CDH6: variants seen among roughly 807,000 people sequenced by gnomAD.
The protein encoded by CDH6 is cadherin 6, also known as cadherin-6.
In CDH6, 31 loss-of-function variants were observed where a neutral mutation model predicts 78.0. The observed-to-expected ratio is 0.40, with a 90% confidence interval of 0.30 to 0.54. The LOEUF (loss-of-function observed/expected upper bound fraction) is 0.54, where lower values mean the gene tolerates loss of function less well. CDH6 is among the 20% of genes least tolerant of loss of function. The pLI, the probability that CDH6 is intolerant of heterozygous loss-of-function variation, is 0.56. For synonymous variants in CDH6, 376 were observed against 368.8 expected, an observed-to-expected ratio of 1.02 and a Z score of -0.23; for missense variants, 724 against 975.9, an observed-to-expected ratio of 0.74 and a Z score of 3.44.
At chr5:31,237,119 G>A (rs959114693) in intron 1 of CDH6, among the ~76,000 whole-genome samples, 5 of 152,158 alleles carry the variant, frequency 3.3e-5, no homozygotes, top group African/African-American at 1.2e-4. Context: ...TTTCAGAGAG[G>A]ACAGCTGAAC....
chr5:31,284,597 C>A (rs566150702), intron 2 of CDH6, among the ~76,000 whole-genome samples: 18 of 152,228 alleles, frequency 1.2e-4, no homozygotes, highest in African/African-American at 3.4e-4. Flanking sequence ...AGTAGAAGGA[C>A]AAAGAAATCC....
At chr5:31,226,096 C>A (rs1171664363) in intron 1 of CDH6, among the ~76,000 whole-genome samples, 2 of 152,100 alleles carry the variant, frequency 1.3e-5, no homozygotes, top group Non-Finnish European at 2.9e-5. Flanking sequence ...AACTAAGTAG[C>A]CCATTGGGTA....
intron 1 of CDH6, among the ~76,000 whole-genome samples, chr5:31,203,718 G>A (rs1740435730): frequency 6.6e-6 from 1 of 151,836 alleles, no homozygotes; most frequent in African/African-American, 2.4e-5. Flanking sequence ...ACGTGTGCAT[G>A]TGTCTTTATA....
At chr5:31,255,933 C>T (rs1303552990) in intron 1 of CDH6, among the ~76,000 whole-genome samples, 1 of 152,176 alleles carries the variant, frequency 6.6e-6, no homozygotes, top group East Asian at 1.9e-4. Context: ...TAAAGGGTTA[C>T]ACCTCTGTAA....
chr5:31,233,224 A>G (rs1215539769), intron 1 of CDH6, among the ~76,000 whole-genome samples: 2 of 152,200 alleles, frequency 1.3e-5, no homozygotes, highest in Non-Finnish European at 2.9e-5. Flanking sequence ...AGCATATTTT[A>G]CACAAAAAAA....
chr5:31,259,170 T>C (rs1349938239), intron 1 of CDH6, among the ~76,000 whole-genome samples: 1 of 152,228 alleles, frequency 6.6e-6, no homozygotes, highest in East Asian at 1.9e-4. Flanking sequence ...TTAGACATCA[T>C]GTAATTGATA....
Position 31,323,408 on chromosome 5 carries a change from C to T in CDH6, c.*100C>T, listed in dbSNP as rs539501825. On this transcript the variant is annotated 3_prime_UTR_variant, in exon 12 of 12. Transcript: ENST00000265071. ...TCCGTGAAGGCTTCTCTGTTCTACC[C>T]GTTCCAAAAGCCAATGGCTGCAGTC... is the stretch of plus-strand genomic sequence containing the variant. 5.1e-6 allele frequency: 7 copies of T among 1,380,052 alleles called. No homozygotes were observed. Among genetic ancestry groups the T allele is most frequent in the African/African-American group, 1.4e-5 (1 of 68,992 alleles). The allele number at this position is 1,380,052 out of a possible 1,614,324, so 85.5% of individuals were successfully genotyped here.
intron 1 of CDH6, among the ~76,000 whole-genome samples, chr5:31,264,618 T>C (rs1742291431): frequency 6.6e-6 from 1 of 152,220 alleles, no homozygotes. Flanking sequence ...TTAAAAAAAC[T>C]ATAGAATTTC....
chr5:31,211,380 T>C (rs1740700085), intron 1 of CDH6, among the ~76,000 whole-genome samples: 1 of 132,098 alleles, frequency 7.6e-6, no homozygotes, highest in Non-Finnish European at 1.6e-5. Context: ...TCCTAACCAC[T>C]AGAGCTTTAA....
chr5:31,207,084 G>T (rs1740548498), intron 1 of CDH6, among the ~76,000 whole-genome samples: 1 of 152,036 alleles, frequency 6.6e-6, no homozygotes, highest in African/African-American at 2.4e-5. Flanking sequence ...TAAAATTTAG[G>T]ATTGAGGTGA....
At chr5:31,205,228 C>A (rs10077975) in intron 1 of CDH6, among the ~76,000 whole-genome samples, 3,868 of 152,256 alleles carry the variant, frequency 0.025, 173 homozygotes, top group African/African-American at 0.089. Flanking sequence ...AACTGATTTC[C>A]TGTTCAAGCT....
intron 1 of CDH6, among the ~76,000 whole-genome samples, chr5:31,217,465 C>T (rs534493310): frequency 1.5e-4 from 23 of 152,130 alleles, no homozygotes; most frequent in Non-Finnish European, 2.9e-4. Flanking sequence ...TGCGTCATAA[C>T]CAACAGTGTG....
intron 3 of CDH6, 150 bp from the exon 4 acceptor site, chr5:31,297,139 C>A: frequency 3.0e-6 from 2 of 674,008 alleles, no homozygotes; most frequent in East Asian, 2.7e-5. Flanking sequence ...TTAAAGAATC[C>A]AATCCTTTTT....
intron 2 of CDH6, among the ~76,000 whole-genome samples, chr5:31,289,966 A>T (rs1039999153): frequency 1.2e-4 from 17 of 141,690 alleles, no homozygotes; most frequent in Admixed American, 6.9e-4. Flanking sequence ...ATGCTGTATT[A>T]AAAAAAAAAA....
rs141293461 is a variant in CDH6, at chr5:31,290,965, T to A, written c.229-2997T>A. 2.1e-3 allele frequency among the ~76,000 whole-genome samples: 322 copies of A among 152,326 alleles called. 1 individual carries two copies. The highest frequency in any genetic ancestry group is 7.4e-3 in the African/African-American group (309 of 41,566). ...ACGTCTCCTCTGCCCTTTAACATTG[T>A]TTCGGGTGTTTGTTCTATAAGTCAT... On this transcript the variant is annotated intron_variant, in intron 2 of 11. Transcript: ENST00000265071.
At chr5:31,272,734 A>G (rs1742561352) in intron 2 of CDH6, among the ~76,000 whole-genome samples, 1 of 152,160 alleles carries the variant, frequency 6.6e-6, no homozygotes, top group South Asian at 2.1e-4. Flanking sequence ...CTTCCACACA[A>G]TGTATACATA....
intron 1 of CDH6, among the ~76,000 whole-genome samples, chr5:31,210,521 G>A (rs1046676747): frequency 3.9e-5 from 6 of 152,014 alleles, no homozygotes; most frequent in Non-Finnish European, 8.8e-5. Context: ...AAATAAATAA[G>A]TATTGCTGAT....
Position 31,294,864 on chromosome 5 carries a change from G to C in CDH6, c.523+608G>C, listed in dbSNP as rs1469572217. Among the ~76,000 whole-genome samples the C allele has an allele frequency of 1.3e-5, 2 of 152,092 alleles. No individual in the cohort carries two copies. Among genetic ancestry groups the C allele is most frequent in the Non-Finnish European group, 2.9e-5 (2 of 68,012 alleles). ...ATACCTCTACTTTTTTAAATAACTA[G>C]TGGATTTAATTTGTTTAAATTGAGA... is the stretch of plus-strand genomic sequence containing the variant. On this transcript the variant is annotated intron_variant, in intron 3 of 11. Coordinates refer to ENST00000265071, the MANE Select transcript of CDH6 (RefSeq NM_004932.4). The surrounding 1 kb of genome is among the most constrained non-coding windows in gnomAD (Gnocchi z 4.1).
chr5:31,215,202 G>A lies in CDH6; in HGVS notation c.-129+21316G>A, dbSNP rs559436449. ...TATCACATAGATACTACATTTATTG[G>A]ACCATAATAAACCGCTGTAGGTATG... is the stretch of plus-strand genomic sequence containing the variant. On this transcript the variant is annotated intron_variant, in intron 1 of 11. Transcript: ENST00000265071. Among the ~76,000 whole-genome samples, 8 of 152,056 alleles carry A rather than the reference G, an allele frequency of 5.3e-5. No individual in the cohort carries two copies. In the East Asian group the frequency reaches 1.4e-3, roughly 26 times the overall value.
Sources: gnomAD v4.1 joint callset for allele counts (sites outside exome capture counted in the v4.1 genomes callset) on GRCh38, gnomAD v4.1.1 for gene constraint, Gnocchi (gnomAD v3.1) non-coding constraint, MANE v1.5 for transcripts, NCBI Gene and HGNC (gene_info 2026-07-23, HGNC 2026-07-21) for gene names.